Variants in TRAF3IP1 observed in about 807,000 individuals in gnomAD.
TRAF3IP1 encodes TRAF3-interacting protein 1.
TRAF3IP1 carries 53 observed loss-of-function variants against 89.9 expected under a neutral mutation model. The observed-to-expected ratio is 0.59, with a 90% confidence interval of 0.47 to 0.74. The LOEUF (loss-of-function observed/expected upper bound fraction) is 0.74, where lower values mean the gene tolerates loss of function less well. Among genes scored for constraint, TRAF3IP1 ranks in the 30% least tolerant of loss-of-function variants. TRAF3IP1 has a pLI of 0.00. For missense variants in TRAF3IP1, 806 were observed against 866.1 expected, an observed-to-expected ratio of 0.93 and a Z score of 0.87; for synonymous variants, 311 against 322.1, an observed-to-expected ratio of 0.97 and a Z score of 0.37.
intron 3 of TRAF3IP1, among the ~76,000 whole-genome samples, chr2:238,327,974 T>G (rs531028014): frequency 6.6e-6 from 1 of 152,366 alleles, no homozygotes; most frequent in Admixed American, 6.5e-5. Context: ...CATATTTTGT[T>G]TATCCACTCA....
At chr2:238,352,046 A>C (rs1699196458) in intron 12 of TRAF3IP1, among the ~76,000 whole-genome samples, 1 of 151,648 alleles carries the variant, frequency 6.6e-6, no homozygotes, top group South Asian at 2.1e-4. Context: ...GAGCCTGTAG[A>C]GTGTTTGGGT....
Position 238,320,753 on chromosome 2 carries a change from C to T in TRAF3IP1, c.91C>T (p.Pro31Ser). Reference protein sequence around the residue: ...PLTEKLLSKPPFRYLHDIITE... With the variant: ...PLTEKLLSKPSFRYLHDIITE... ...GACCGAGAAGCTGCTGAGCAAGCCC[C>T]CGTTCCGCTACCTGCACGACATCAT... The change falls in exon 1 of 17, where the codon CCG (proline) becomes TCG (serine). Residue 31 changes from proline (P) to serine (S), a missense_variant. Pro to Ser is a moderately conservative substitution (Grantham distance 74, BLOSUM62 -1). Coordinates refer to ENST00000373327, the MANE Select transcript of TRAF3IP1 (RefSeq NM_015650.4). The T allele has an allele frequency of 6.9e-7, 1 of 1,439,918 alleles. No homozygotes were observed. Among genetic ancestry groups the T allele is most frequent in the Non-Finnish European group, 9.2e-7 (1 of 1,084,166 alleles). The allele number at this position is 1,439,918 out of a possible 1,614,324, so 89.2% of individuals were successfully genotyped here.
At chr2:238,364,549 C>T (rs568764951) in intron 15 of TRAF3IP1, among the ~76,000 whole-genome samples, 25 of 152,126 alleles carry the variant, frequency 1.6e-4, no homozygotes, top group African/African-American at 4.3e-4. Flanking sequence ...GAAGACTGTT[C>T]ACTCACTTTA....
chr2:238,320,742 T>A lies in TRAF3IP1; in HGVS notation c.80T>A (p.Leu27Gln). ...AGGCCGCCGCTGACCGAGAAGCTGC[T>A]GAGCAAGCCCCCGTTCCGCTACCTG... ...IRRPPLTEKL[L>Q]SKPPFRYLHD... is the part of the protein sequence containing the mutation. Residue 27 changes from leucine (L) to glutamine (Q), a missense_variant, in exon 1 of 17, where the codon CTG becomes CAG. This residue lies in a region of TRAF3IP1 where 732 missense variants were observed against 780.5 expected (regional missense o/e 0.94). Coordinates refer to ENST00000373327, the MANE Select transcript of TRAF3IP1 (RefSeq NM_015650.4). The A allele has an allele frequency of 1.4e-6, 2 of 1,447,258 alleles. No homozygotes were observed. Among genetic ancestry groups the A allele is most frequent in the Non-Finnish European group, 1.8e-6 (2 of 1,088,534 alleles). 89.7% of individuals were successfully genotyped at this position (1,447,258 alleles called of 1,614,324 possible).
chr2:238,375,848 A>G (rs1056317034), intron 15 of TRAF3IP1, among the ~76,000 whole-genome samples: 2 of 152,234 alleles, frequency 1.3e-5, no homozygotes, highest in East Asian at 1.9e-4. Context: ...TTGTTTTGAC[A>G]TGTACATGCT....
chr2:238,359,285 T>C (rs1427418855), intron 15 of TRAF3IP1, among the ~76,000 whole-genome samples: 3 of 152,192 alleles, frequency 2.0e-5, no homozygotes, highest in African/African-American at 7.2e-5. Flanking sequence ...ACAGTCAAGA[T>C]AGTGAACACA....
In TRAF3IP1 at chr2:238,379,932, C is replaced by G. The variant is rs573426288; in HGVS notation, c.1690-17527C>G. On this transcript the variant is annotated intron_variant, in intron 15 of 16. Transcript: ENST00000373327. This position sits in a 1 kb window ranked among gnomAD's most constrained non-coding sequence, Gnocchi z 4.0. ...ACAAAATAATTGAATAATCACCTCACTGGCCATTTCCAGCATTGATGGAGA... is the reference window on the plus strand; with the variant it reads ...ACAAAATAATTGAATAATCACCTCAGTGGCCATTTCCAGCATTGATGGAGA... Among the ~76,000 whole-genome samples the G allele has an allele frequency of 1.3e-5, 2 of 152,332 alleles. No individual in the cohort carries two copies. The highest frequency in any genetic ancestry group is 2.9e-5 in the Non-Finnish European group (2 of 68,032).
At chr2:238,364,659 T>C (rs1318206586) in intron 15 of TRAF3IP1, among the ~76,000 whole-genome samples, 1 of 152,160 alleles carries the variant, frequency 6.6e-6, no homozygotes, top group East Asian at 1.9e-4. Flanking sequence ...TTAATAAATA[T>C]GATTTTTAGA....
intron 15 of TRAF3IP1, among the ~76,000 whole-genome samples, chr2:238,392,940 A>G (rs1201167125): frequency 6.6e-6 from 1 of 152,208 alleles, no homozygotes; most frequent in Admixed American, 6.5e-5. Context: ...TTAGTTAACC[A>G]ATTACCTATC....
At chr2:238,367,840 G>A (rs911169714) in intron 15 of TRAF3IP1, among the ~76,000 whole-genome samples, 2 of 152,186 alleles carry the variant, frequency 1.3e-5, no homozygotes, top group Non-Finnish European at 2.9e-5. Flanking sequence ...GCAGCACCGC[G>A]GCTCCAGCAT....
rs191683050 is a variant in TRAF3IP1, at chr2:238,377,665, G to A, written c.1690-19794G>A. 2.2e-3 allele frequency among the ~76,000 whole-genome samples: 341 copies of A among 151,978 alleles called. 3 individuals carry two copies. Among genetic ancestry groups the A allele is most frequent in the African/African-American group, 7.9e-3 (329 of 41,452 alleles). On this transcript the variant is annotated intron_variant, in intron 15 of 16. Transcript: ENST00000373327. The stretch of plus-strand genomic sequence containing the variant: ...ATGAATGAAATGGACCCATAATTTT[G>A]TTTTTCTTGTATGATCCTTATTTTT...
chr2:238,369,062 G>T (rs1300157905), intron 15 of TRAF3IP1, among the ~76,000 whole-genome samples: 5 of 152,184 alleles, frequency 3.3e-5, no homozygotes, highest in African/African-American at 1.2e-4. Flanking sequence ...AGTAATTTCT[G>T]TATATTAGTA....
rs1475972536 is a variant in TRAF3IP1, at chr2:238,351,524, G to A, written c.1452-1303G>A. On this transcript the variant is annotated intron_variant, in intron 12 of 16. Coordinates refer to ENST00000373327, the MANE Select transcript of TRAF3IP1 (RefSeq NM_015650.4). This position sits in a 1 kb window ranked among gnomAD's most constrained non-coding sequence, Gnocchi z 5.2. ...GTCCTGGAGAGCAAGGCGGGACAGA[G>A]AGGGCCTGCCGATCACGGCAGGCAC... 6.6e-6 allele frequency among the ~76,000 whole-genome samples: 1 copy of A among 152,156 alleles called. No individual in the cohort carries two copies. Among genetic ancestry groups the A allele is most frequent in the African/African-American group, 2.4e-5 (1 of 41,436 alleles).
intron 15 of TRAF3IP1, among the ~76,000 whole-genome samples, chr2:238,369,543 G>A (rs958072888): frequency 3.4e-4 from 52 of 152,070 alleles, no homozygotes; most frequent in African/African-American, 1.2e-3. Context: ...ACTGGCCCCC[G>A]GTTTGGGTTT....
chr2:238,375,774 G>A (rs1436743309), intron 15 of TRAF3IP1, among the ~76,000 whole-genome samples: 1 of 152,140 alleles, frequency 6.6e-6, no homozygotes, highest in African/African-American at 2.4e-5. Context: ...TGGCGAGTCG[G>A]TTAAGAAATC....
At position 238,345,934 on chromosome 2, in the gene TRAF3IP1, A is replaced by T. The variant is rs11679972; in HGVS notation, c.1261+1336A>T. Among the ~76,000 whole-genome samples, 110,500 of 152,028 alleles carry T rather than the reference A, an allele frequency of 0.73. 40,400 individuals carry two copies. Among genetic ancestry groups the T allele is most frequent in the Middle Eastern group, 0.79 (231 of 294 alleles). On this transcript the variant is annotated intron_variant, in intron 9 of 16. Transcript: ENST00000373327. This position sits in a 1 kb window ranked among gnomAD's most constrained non-coding sequence, Gnocchi z 4.7. Reference sequence around the variant, plus strand: ...TGGGTTCTGGGTAACGGGGACTGGAAGTATCCATTGAAAGGTAGAGAGTTC... The same window carrying T: ...TGGGTTCTGGGTAACGGGGACTGGATGTATCCATTGAAAGGTAGAGAGTTC...
chr2:238,389,459 T>C (rs1700907858), intron 15 of TRAF3IP1, among the ~76,000 whole-genome samples: 1 of 151,672 alleles, frequency 6.6e-6, no homozygotes, highest in Non-Finnish European at 1.5e-5. Flanking sequence ...TTAAAAATAA[T>C]ACTTTTGGCC....
intron 15 of TRAF3IP1, among the ~76,000 whole-genome samples, chr2:238,385,896 G>C (rs1700748024): frequency 6.6e-6 from 1 of 152,178 alleles, no homozygotes; most frequent in East Asian, 1.9e-4. Flanking sequence ...GCATATTTTT[G>C]GGTGGGATAG....
intron 10 of TRAF3IP1, 111 bp from the exon 11 acceptor site, chr2:238,348,653 C>T: frequency 1.1e-6 from 1 of 920,192 alleles, no homozygotes; most frequent in Non-Finnish European, 1.7e-6. Flanking sequence ...TTTGCAATTA[C>T]AAATGTATTT....
Sources: gnomAD v4.1 joint callset for allele counts (sites outside exome capture counted in the v4.1 genomes callset) on GRCh38, gnomAD v4.1.1 for gene constraint, gnomAD v4.1.1 regional missense constraint, Gnocchi (gnomAD v3.1) non-coding constraint, MANE v1.5 for transcripts, NCBI Gene and HGNC (gene_info 2026-07-23, HGNC 2026-07-21) for gene names.